Variants in CBLB observed in about 807,000 individuals in gnomAD.
The protein encoded by CBLB is Cbl proto-oncogene B, also known as E3 ubiquitin-protein ligase CBL-B.
CBLB carries 31 observed loss-of-function variants against 104.9 expected under a neutral mutation model. The ratio of observed to expected loss-of-function variants is 0.30; its 90% confidence interval spans 0.22 to 0.40. The LOEUF (loss-of-function observed/expected upper bound fraction) is 0.40. CBLB is among the 10% of genes least tolerant of loss of function. The probability of loss-of-function intolerance (pLI) is 1.00; values close to 1 mark genes in which losing one functional copy is unlikely to be tolerated. For missense variants in CBLB, 1,062 were observed against 1,214.6 expected, an observed-to-expected ratio of 0.87 and a Z score of 1.87; for synonymous variants, 440 against 422.6, an observed-to-expected ratio of 1.04 and a Z score of -0.51.
At chr3:105,832,259 T>G (rs139598236) in intron 3 of CBLB, among the ~76,000 whole-genome samples, 3 of 152,258 alleles carry the variant, frequency 2.0e-5, no homozygotes, top group Non-Finnish European at 2.9e-5. Context: ...TAATGTCCAC[T>G]AAGAAGAAAA....
intron 4 of CBLB, among the ~76,000 whole-genome samples, chr3:105,772,583 C>CA (rs1427009071): frequency 1.3e-5 from 2 of 152,256 alleles, no homozygotes; most frequent in East Asian, 3.9e-4. Context: ...ACAGACAACT[C>CA]ACACAGTGGG....
Position 105,751,442 on chromosome 3 carries a change from C to T in CBLB, c.723+20G>A. The T allele has an allele frequency of 6.4e-7, 1 of 1,574,538 alleles. No homozygotes were observed. On this transcript the variant is annotated intron_variant, in intron 5 of 18. Transcript: ENST00000394030. ...GAGAGAGAAGAAGGGAATGGATAGACTAAGCAAGTATAAACTTACCTGAAA... is the reference window on the plus strand; with the variant it reads ...GAGAGAGAAGAAGGGAATGGATAGATTAAGCAAGTATAAACTTACCTGAAA...
At chr3:105,714,290 G>A (rs1156606301) in intron 10 of CBLB, among the ~76,000 whole-genome samples, 1 of 152,168 alleles carries the variant, frequency 6.6e-6, no homozygotes, top group Non-Finnish European at 1.5e-5. Flanking sequence ...AACGGTGGCA[G>A]GGAGGGGAAG....
chr3:105,829,666 C>CAAAA lies in CBLB; in HGVS notation c.419+23744_419+23747dup, dbSNP rs71627689. On this transcript the variant is annotated intron_variant, in intron 3 of 18. Transcript: ENST00000394030. ...CCAGAGCGACACAGCAAGACCGTCC[C>CAAAA]AAAAAAAAAAAAAAAAAAAAAAAAA... Among the ~76,000 whole-genome samples, 16 of 47,018 alleles carry CAAAA rather than the reference C, an allele frequency of 3.4e-4. 2 individuals carry two copies. The highest frequency in any genetic ancestry group is 1.8e-3 in the East Asian group (2 of 1,140). The allele number at this position is 47,018 out of a possible 152,430, so 30.8% of individuals were successfully genotyped here.
intron 8 of CBLB, among the ~76,000 whole-genome samples, chr3:105,734,600 C>T (rs1034866208): frequency 6.6e-6 from 1 of 152,112 alleles, no homozygotes; most frequent in African/African-American, 2.4e-5. Context: ...TCCCTGAATG[C>T]AAGAAAAGTG....
At chr3:105,770,635 C>T (rs2078764245) in intron 4 of CBLB, among the ~76,000 whole-genome samples, 1 of 152,116 alleles carries the variant, frequency 6.6e-6, no homozygotes, top group African/African-American at 2.4e-5. Flanking sequence ...GGGAAGTGTG[C>T]TGCAGACAGG....
rs369134402 is a variant in CBLB at position 105,657,322 on chromosome 3, T to G, written c.*1648A>C. 9.2e-4 allele frequency: 201 copies of G among 218,640 alleles called. No homozygotes were observed. The highest frequency in any genetic ancestry group is 4.3e-3 in the African/African-American group (190 of 44,640). The allele number at this position is 218,640 out of a possible 1,614,324, so 13.5% of individuals were successfully genotyped here. A position where few individuals can be genotyped will look rare whatever the true frequency, so the allele number is the denominator to read the frequency against. On this transcript the variant is annotated 3_prime_UTR_variant, in exon 19 of 19. Coordinates refer to ENST00000394030, the MANE Select transcript of CBLB (RefSeq NM_170662.5). The stretch of plus-strand genomic sequence containing the variant: ...ATGCATCTTTTTATATCATGGTGGG[T>G]GTGAAGTGAAAAGAGGAGACACAGA...
chr3:105,784,613 C>T (rs943610491), intron 3 of CBLB, among the ~76,000 whole-genome samples: 4 of 152,102 alleles, frequency 2.6e-5, no homozygotes, highest in Non-Finnish European at 4.4e-5. Flanking sequence ...TCAATTAATC[C>T]ATATTTATTG....
intron 8 of CBLB, among the ~76,000 whole-genome samples, chr3:105,735,204 T>C (rs977165851): frequency 1.2e-4 from 18 of 152,218 alleles, no homozygotes; most frequent in Non-Finnish European, 2.6e-4. Context: ...TGGATACATA[T>C]GCATGTACAT....
intron 3 of CBLB, among the ~76,000 whole-genome samples, chr3:105,801,207 T>C (rs1577318053): frequency 1.3e-5 from 2 of 152,090 alleles, no homozygotes; most frequent in Non-Finnish European, 2.9e-5. Context: ...GAAAATAGCA[T>C]AAAAAGCAGC....
At chr3:105,855,546 A>C (rs1183650239) in intron 2 of CBLB, among the ~76,000 whole-genome samples, 13 of 152,236 alleles carry the variant, frequency 8.5e-5, no homozygotes. Context: ...TAAATCTGTA[A>C]TAGAACTTTT....
chr3:105,658,961 T>C lies in CBLB; in HGVS notation c.*9A>G. The C allele has an allele frequency of 6.2e-7, 1 of 1,613,648 alleles. No homozygotes were observed. Among genetic ancestry groups the C allele is most frequent in the Non-Finnish European group, 8.5e-7 (1 of 1,179,712 alleles). On this transcript the variant is annotated 3_prime_UTR_variant, in exon 19 of 19. Transcript: ENST00000394030. The stretch of plus-strand genomic sequence containing the variant: ...TTGCTTTCCATTTTGGTGTCTACAG[T>C]TCTGGCTGCTATAGATTTAGACGTG...
intron 3 of CBLB, among the ~76,000 whole-genome samples, chr3:105,782,386 T>A (rs1429687050): frequency 6.6e-6 from 1 of 152,044 alleles, no homozygotes; most frequent in Non-Finnish European, 1.5e-5. Context: ...ACTAAACTGA[T>A]CACTTTAAAA....
intron 3 of CBLB, among the ~76,000 whole-genome samples, chr3:105,820,640 T>C (rs1407775974): frequency 6.6e-6 from 1 of 152,126 alleles, no homozygotes; most frequent in African/African-American, 2.4e-5. Context: ...ACCCCTCCCA[T>C]AATTAAGTTG....
chr3:105,702,727 C>T (rs1038811062), intron 11 of CBLB, among the ~76,000 whole-genome samples: 1 of 151,798 alleles, frequency 6.6e-6, no homozygotes, highest in East Asian at 1.9e-4. Flanking sequence ...AGAAATGATA[C>T]AGAAACAAGT....
At chr3:105,862,880 A>G (rs968883040) in intron 2 of CBLB, among the ~76,000 whole-genome samples, 38 of 152,064 alleles carry the variant, frequency 2.5e-4, no homozygotes, top group Middle Eastern at 3.4e-3. Flanking sequence ...TTCTACACCA[A>G]CTTTTCACCC....
At chr3:105,802,908 G>T (rs768502898) in intron 3 of CBLB, among the ~76,000 whole-genome samples, 10 of 152,082 alleles carry the variant, frequency 6.6e-5, no homozygotes, top group African/African-American at 1.7e-4. Flanking sequence ...TATATATTTT[G>T]ATACAGTGTT....
chr3:105,684,123 G>T (rs1202398725), intron 14 of CBLB, among the ~76,000 whole-genome samples: 1 of 152,196 alleles, frequency 6.6e-6, no homozygotes, highest in African/African-American at 2.4e-5. Flanking sequence ...ACTAAGTAAA[G>T]ATGGCACAGA....
chr3:105,750,855 A>G (rs1471564982), intron 5 of CBLB, among the ~76,000 whole-genome samples: 2 of 152,220 alleles, frequency 1.3e-5, no homozygotes, highest in East Asian at 3.8e-4. Flanking sequence ...AAATTTTTCA[A>G]AAGAGAGCTT....
Sources: allele counts gnomAD v4.1 joint callset (sites outside exome capture counted in the v4.1 genomes callset), GRCh38; gene constraint gnomAD v4.1.1; transcripts MANE v1.5; gene names NCBI Gene and HGNC (gene_info 2026-07-23, HGNC 2026-07-21).